The following TAMM41 variants were observed in gnomAD, a reference collection of about 807,000 sequenced individuals.
TAMM41 encodes the protein TAM41 mitochondrial translocator assembly and maintenance homolog.
A neutral mutation model predicts 44.1 loss-of-function variants in TAMM41; 36 were observed. The ratio of observed to expected loss-of-function variants is 0.82; its 90% CI spans 0.63 to 1.08. TAMM41 has a LOEUF of 1.08. Among genes scored for constraint, TAMM41 ranks in the 50% least tolerant of loss-of-function variants. The probability of loss-of-function intolerance (pLI) is 0.00; values close to 1 mark genes in which losing one functional copy is unlikely to be tolerated. For missense variants in TAMM41, 417 were observed against 404.3 expected, an observed-to-expected ratio of 1.03 and a Z score of -0.27; for synonymous variants, 164 against 153.1, an observed-to-expected ratio of 1.07 and a Z score of -0.53.
At chr3:11,761,360 T>C in the TAMM41 span, among the ~76,000 whole-genome samples, 1 of 152,130 alleles carries the variant, frequency 6.6e-6, no homozygotes, top group African/African-American at 2.4e-5. Flanking sequence ...CCAGTTTCTC[T>C]GCTGCGCTCC....
chr3:11,768,921 G>T, the TAMM41 span, among the ~76,000 whole-genome samples: 2 of 152,348 alleles, frequency 1.3e-5, no homozygotes, highest in African/African-American at 4.8e-5. Context: ...TTTGAATTTG[G>T]TCTTAAGAGA....
intron 1 of TAMM41, among the ~76,000 whole-genome samples, chr3:11,845,604 T>C (rs1016971047): frequency 3.3e-5 from 5 of 152,228 alleles, no homozygotes; most frequent in African/African-American, 9.6e-5. Context: ...TAATAACCTA[T>C]AATTTCTCAT....
At chr3:11,775,198 A>T in the TAMM41 span, among the ~76,000 whole-genome samples, 1 of 105,546 alleles carries the variant, frequency 9.5e-6, no homozygotes, top group Admixed American at 1.1e-4. Context: ...ATTTTTGTAC[A>T]GGCATTTTTT....
At chr3:11,783,620 A>G in the TAMM41 span, among the ~76,000 whole-genome samples, 23,467 of 152,214 alleles carry the variant, frequency 0.15, 3,436 homozygotes, top group East Asian at 0.61. Context: ...TTATTTTTAT[A>G]AGTGAGTATA....
the TAMM41 span, among the ~76,000 whole-genome samples, chr3:11,778,839 T>C: frequency 6.6e-6 from 1 of 152,178 alleles, no homozygotes; most frequent in African/African-American, 2.4e-5. Flanking sequence ...TTTAATAAGG[T>C]TGTCTTTATA....
At chr3:11,785,556 C>T (rs2077411674), downstream of TAMM41, among the ~76,000 whole-genome samples, 1 of 152,136 alleles carries the variant, frequency 6.6e-6, no homozygotes. Flanking sequence ...GATCTCTTGA[C>T]CTCGTCATCC....
the TAMM41 span, among the ~76,000 whole-genome samples, chr3:11,757,260 G>A: frequency 6.6e-6 from 1 of 152,312 alleles, no homozygotes; most frequent in African/African-American, 2.4e-5. Context: ...TTTACACACT[G>A]TAAATGCTTG....
At position 11,801,212 on chromosome 3, in the gene TAMM41, G is replaced by A. The variant is rs151059295; in HGVS notation, c.937+6621C>T. Among the ~76,000 whole-genome samples the A allele has an allele frequency of 2.8e-3, 433 of 152,070 alleles. 3 individuals carry two copies. Among genetic ancestry groups the A allele is most frequent in the African/African-American group, 1.0e-2 (414 of 41,480 alleles). On this transcript the variant is annotated intron_variant, in intron 7 of 7. Transcript: ENST00000455809. ...AAAATCAAAATCAAGTATCTTCTCA[G>A]ACAATAGTAGAATAAAGCTAGAAAT...
At chr3:11,771,744 G>A in the TAMM41 span, among the ~76,000 whole-genome samples, 932 of 151,910 alleles carry the variant, frequency 6.1e-3, 9 homozygotes, top group African/African-American at 0.021. Flanking sequence ...CACCACGCCC[G>A]GCTAATTTTT....
the TAMM41 span, among the ~76,000 whole-genome samples, chr3:11,763,764 G>A: frequency 6.6e-6 from 1 of 152,172 alleles, no homozygotes; most frequent in African/African-American, 2.4e-5. Context: ...TAAGTGTCCT[G>A]GCGAAAGTCA....
the TAMM41 span, among the ~76,000 whole-genome samples, chr3:11,744,422 A>G: frequency 1.8e-3 from 266 of 151,802 alleles, 1 homozygote; most frequent in African/African-American, 6.3e-3. Context: ...AGCCGGGCAC[A>G]GTGGCTCACA....
At chr3:11,744,700 A>AAAAAG in the TAMM41 span, among the ~76,000 whole-genome samples, 191 of 152,098 alleles carry the variant, frequency 1.3e-3, no homozygotes, top group African/African-American at 4.4e-3. Flanking sequence ...GTCTCAGAAA[A>AAAAAG]AAAAGAAAAG....
intron 3 of TAMM41, among the ~76,000 whole-genome samples, chr3:11,832,651 T>G (rs2079026285): frequency 6.6e-6 from 1 of 152,138 alleles, no homozygotes; most frequent in African/African-American, 2.4e-5. Flanking sequence ...CCAAGAGAAG[T>G]AGTGGCGAAC....
the TAMM41 span, among the ~76,000 whole-genome samples, chr3:11,746,822 G>C: frequency 7.1e-6 from 1 of 141,710 alleles, no homozygotes; most frequent in Non-Finnish European, 1.5e-5. Context: ...TTTTTGTAGA[G>C]ACAGGGTCTC....
chr3:11,778,287 C>T, the TAMM41 span, among the ~76,000 whole-genome samples: 3 of 151,890 alleles, frequency 2.0e-5, no homozygotes, highest in Non-Finnish European at 4.4e-5. Context: ...TGCAGTGGTG[C>T]GATCACAGCT....
intron 4 of TAMM41, among the ~76,000 whole-genome samples, chr3:11,821,700 G>T (rs1198514565): frequency 6.6e-6 from 1 of 152,178 alleles, no homozygotes; most frequent in African/African-American, 2.4e-5. Context: ...AGGAAGCGCT[G>T]GGTCTTGGAG....
At chr3:11,767,699 C>A in the TAMM41 span, among the ~76,000 whole-genome samples, 8 of 132,902 alleles carry the variant, frequency 6.0e-5, no homozygotes, top group Non-Finnish European at 1.2e-4. Flanking sequence ...AATCTAAGCT[C>A]ACTGCAACCT....
At position 11,821,650 on chromosome 3, in the gene TAMM41, T is replaced by C. The variant is rs895546567; in HGVS notation, c.563-4313A>G. Among the ~76,000 whole-genome samples the C allele has an allele frequency of 7.9e-5, 12 of 152,224 alleles. 1 individual carries two copies. The highest frequency in any genetic ancestry group is 7.9e-4 in the Admixed American group (12 of 15,280). ...TTGTAAGTAGTAAAGCAGATACTAC[T>C]TATGATATGTATATAGCATAGTCGA... On this transcript the variant is annotated intron_variant, in intron 4 of 7. Transcript: ENST00000455809.
At chr3:11,820,598 G>T (rs2078476063) in intron 4 of TAMM41, among the ~76,000 whole-genome samples, 1 of 152,172 alleles carries the variant, frequency 6.6e-6, no homozygotes, top group South Asian at 2.1e-4. Context: ...CTGGTGTGCA[G>T]CTGAACTAGC....
Sources: gnomAD v4.1 joint callset for allele counts (sites outside exome capture counted in the v4.1 genomes callset) on GRCh38, gnomAD v4.1.1 for gene constraint, MANE v1.5 for transcripts, NCBI Gene and HGNC (gene_info 2026-07-23, HGNC 2026-07-21) for gene names.